The following DLGAP2 variants were observed in gnomAD, a reference collection of about 807,000 sequenced individuals.
DLGAP2 encodes the protein disks large-associated protein 2.
DLGAP2 carries 26 observed loss-of-function variants against 100.3 expected under a neutral mutation model. The observed-to-expected ratio is 0.26, with a 90% confidence interval of 0.19 to 0.36. The LOEUF is 0.36. Ranked by LOEUF, DLGAP2 falls within the 10% of genes least tolerant of loss-of-function variation. The pLI, the probability that DLGAP2 is intolerant of heterozygous loss-of-function variation, is 1.00. For synonymous variants in DLGAP2, 886 were observed against 630.1 expected (o/e 1.41, Z -6.08); for missense variants, 1,858 against 1,453.2 (o/e 1.28, Z -4.53).
At chr8:1,656,340 G>T (rs373449132) in intron 8 of DLGAP2, among the ~76,000 whole-genome samples, 24 of 151,880 alleles carry the variant, frequency 1.6e-4, no homozygotes, top group African/African-American at 4.4e-4. Context: ...GCCATTTGTT[G>T]TGGCCAGTAG....
Position 893,756 on chromosome 8 carries a change from C to T in DLGAP2, c.19-14156C>T, listed in dbSNP as rs1798084022. Among the ~76,000 whole-genome samples, 2 of 152,374 alleles carry T rather than the reference C, an allele frequency of 1.3e-5. 1 individual carries two copies. The highest frequency in any genetic ancestry group is 3.9e-4 in the East Asian group (2 of 5,178). On this transcript the variant is annotated intron_variant, in intron 1 of 14. Coordinates refer to ENST00000637795, the MANE Select transcript of DLGAP2 (RefSeq NM_001346810.2). ...GGAAAATGTTTGCAGAGCACCAGCC[C>T]TGCCAGGTGCTGTCCTAGGCTCTGG...
chr8:822,036 G>T (rs925278604), intron 1 of DLGAP2: 1 of 398,384 alleles, frequency 2.5e-6, no homozygotes, highest in Non-Finnish European at 4.4e-6. Context: ...CCCCATAGGG[G>T]AGGTTATTTA....
At chr8:1,586,593 T>G (rs1796128032) in intron 6 of DLGAP2, among the ~76,000 whole-genome samples, 3 of 152,186 alleles carry the variant, frequency 2.0e-5, no homozygotes, top group African/African-American at 7.2e-5. Flanking sequence ...GCCCGCTTGA[T>G]GTGTAGCGTA....
intron 1 of DLGAP2, among the ~76,000 whole-genome samples, chr8:821,851 A>G (rs570641126): frequency 1.3e-5 from 2 of 152,366 alleles, no homozygotes; most frequent in South Asian, 4.1e-4. Flanking sequence ...AGTAGTTTCC[A>G]TGTTCATACA....
chr8:1,099,414 T>C (rs547401988), intron 2 of DLGAP2, among the ~76,000 whole-genome samples: 98 of 152,314 alleles, frequency 6.4e-4, no homozygotes, highest in African/African-American at 2.2e-3. Flanking sequence ...ATTCAACAAA[T>C]TACCGAGTGT....
chr8:1,047,121 A>T (rs1802537985), intron 2 of DLGAP2, among the ~76,000 whole-genome samples: 1 of 152,202 alleles, frequency 6.6e-6, no homozygotes, highest in African/African-American at 2.4e-5. Context: ...AGAAACCCCT[A>T]ACTGGTTGGC....
intron 3 of DLGAP2, among the ~76,000 whole-genome samples, chr8:1,325,752 C>T (rs577582069): frequency 3.6e-4 from 55 of 152,284 alleles, no homozygotes; most frequent in African/African-American, 1.3e-3. Context: ...ATGACAGACT[C>T]AGGTCTGTTT....
At chr8:1,663,027 AGT>A (rs1186369827) in intron 8 of DLGAP2, among the ~76,000 whole-genome samples, 1 of 89,930 alleles carries the variant, frequency 1.1e-5, no homozygotes, top group African/African-American at 4.5e-5. Context: ...TACCTGTGTG[AGT>A]GTGGGGGATG....
chr8:924,185 G>A (rs1798768728), intron 2 of DLGAP2, among the ~76,000 whole-genome samples: 1 of 152,174 alleles, frequency 6.6e-6, no homozygotes, highest in Non-Finnish European at 1.5e-5. Flanking sequence ...CACCAGCTAC[G>A]TCCCTCACAG....
intron 2 of DLGAP2, among the ~76,000 whole-genome samples, chr8:982,060 C>G (rs777020163): frequency 6.6e-6 from 1 of 152,222 alleles, no homozygotes; most frequent in African/African-American, 2.4e-5. Flanking sequence ...CTAACCATGT[C>G]TCCTCTGCAC....
At chr8:1,075,559 G>C (rs1024291491) in intron 2 of DLGAP2, among the ~76,000 whole-genome samples, 17 of 152,300 alleles carry the variant, frequency 1.1e-4, no homozygotes, top group African/African-American at 3.8e-4. Flanking sequence ...AGTACCAAAA[G>C]CTCTGCACAC....
intron 2 of DLGAP2, among the ~76,000 whole-genome samples, chr8:1,246,111 T>G (rs1425607449): frequency 6.6e-6 from 1 of 152,190 alleles, no homozygotes; most frequent in Non-Finnish European, 1.5e-5. Context: ...TATCTTAAAT[T>G]TGTCATGAAT....
chr8:1,585,833 A>C (rs1266290340), intron 6 of DLGAP2, among the ~76,000 whole-genome samples: 2 of 152,214 alleles, frequency 1.3e-5, no homozygotes, highest in Non-Finnish European at 2.9e-5. Context: ...AAGAGCTAAC[A>C]CACGTAATTG....
At chr8:1,053,213 T>G (rs905281463) in intron 2 of DLGAP2, among the ~76,000 whole-genome samples, 1 of 152,216 alleles carries the variant, frequency 6.6e-6, no homozygotes, top group Non-Finnish European at 1.5e-5. Context: ...TCCATCAGAT[T>G]CGGAACCTTC....
At chr8:1,333,675 C>T (rs1801208726) in intron 3 of DLGAP2, among the ~76,000 whole-genome samples, 1 of 152,218 alleles carries the variant, frequency 6.6e-6, no homozygotes, top group African/African-American at 2.4e-5. Flanking sequence ...TAACCGCGGG[C>T]TCTCCAGGCA....
At chr8:1,430,011 T>TATATGTATATATATATATATATAC (rs1554467363) in intron 3 of DLGAP2, among the ~76,000 whole-genome samples, 712 of 63,904 alleles carry the variant, frequency 0.011, 43 homozygotes, top group African/African-American at 0.037. Flanking sequence ...TATATACATA[T>TATATGTATATATATATATATATAC]ATATATATAT....
At chr8:1,494,238 A>C (rs1799479872) in intron 3 of DLGAP2, among the ~76,000 whole-genome samples, 1 of 152,214 alleles carries the variant, frequency 6.6e-6, no homozygotes, top group African/African-American at 2.4e-5. Flanking sequence ...CTCATGTGTG[A>C]ACCTGGTTTT....
At chr8:1,199,131 A>G (rs549593616) in intron 2 of DLGAP2, among the ~76,000 whole-genome samples, 2 of 152,360 alleles carry the variant, frequency 1.3e-5, no homozygotes, top group South Asian at 4.1e-4. Flanking sequence ...CATACACACA[A>G]CAACAACCGC....
intron 2 of DLGAP2, among the ~76,000 whole-genome samples, chr8:1,187,008 C>T (rs1039396092): frequency 1.3e-5 from 2 of 152,136 alleles, no homozygotes; most frequent in Non-Finnish European, 2.9e-5. Context: ...TAAGCCCGGC[C>T]TCAGTGCAGG....
Sources: allele counts gnomAD v4.1 joint callset (sites outside exome capture counted in the v4.1 genomes callset), GRCh38; gene constraint gnomAD v4.1.1; transcripts MANE v1.5; gene names NCBI Gene and HGNC (gene_info 2026-07-23, HGNC 2026-07-21).